The following DOCK3 variants were observed in gnomAD, a reference collection of about 807,000 sequenced individuals.
DOCK3 encodes the protein dedicator of cytokinesis protein 3.
In DOCK3, 60 loss-of-function variants were observed where a neutral mutation model predicts 265.6. The ratio of observed to expected loss-of-function variants is 0.23; its 90% confidence interval spans 0.18 to 0.28. The LOEUF (loss-of-function observed/expected upper bound fraction) is 0.28, where lower values mean the gene tolerates loss of function less well. Ranked by LOEUF, DOCK3 falls within the 10% of genes least tolerant of loss-of-function variation. The pLI, the probability that DOCK3 is intolerant of heterozygous loss-of-function variation, is 1.00. For synonymous variants in DOCK3, 881 were observed against 938.0 expected, an observed-to-expected ratio of 0.94 and a Z score of 1.11; for missense variants, 1,981 against 2,594.3, an observed-to-expected ratio of 0.76 and a Z score of 5.14.
intron 13 of DOCK3, among the ~76,000 whole-genome samples, chr3:51,211,749 C>T (rs2089514230): frequency 1.3e-5 from 2 of 152,152 alleles, no homozygotes; most frequent in South Asian, 2.1e-4. Flanking sequence ...TTTTCTTAAT[C>T]CAATCTATCA....
intron 27 of DOCK3, among the ~76,000 whole-genome samples, chr3:51,281,336 C>G (rs1383750638): frequency 6.9e-6 from 1 of 145,984 alleles, no homozygotes; most frequent in African/African-American, 2.6e-5. Context: ...GTTTACAAAT[C>G]TGTGTTGGGC....
At chr3:51,330,055 C>A in intron 32 of DOCK3, 83 bp from the exon 33 acceptor site, 2 of 1,363,872 alleles carry the variant, frequency 1.5e-6, no homozygotes, top group Non-Finnish European at 2.0e-6. Flanking sequence ...AGTTTCCCAC[C>A]ATCCTCACCC....
At chr3:50,805,415 G>A (rs1050724801) in intron 2 of DOCK3, among the ~76,000 whole-genome samples, 3 of 152,178 alleles carry the variant, frequency 2.0e-5, no homozygotes, top group Non-Finnish European at 4.4e-5. Context: ...GGTCAGCTGG[G>A]GTTGGGGCCA....
At chr3:51,339,356 C>G (rs938136490) in intron 37 of DOCK3, among the ~76,000 whole-genome samples, 1 of 152,216 alleles carries the variant, frequency 6.6e-6, no homozygotes, top group Non-Finnish European at 1.5e-5. Flanking sequence ...CCTGAGCTCA[C>G]TGTCACTCCT....
chr3:51,280,983 T>C (rs1457196695), intron 27 of DOCK3, among the ~76,000 whole-genome samples: 2 of 152,118 alleles, frequency 1.3e-5, no homozygotes, highest in Non-Finnish European at 2.9e-5. Flanking sequence ...CCTCTTTCTA[T>C]GGAAAATGAA....
intron 23 of DOCK3, 145 bp from the exon 24 acceptor site, chr3:51,270,670 A>G (rs1297187591): frequency 1.3e-6 from 1 of 752,164 alleles, no homozygotes; most frequent in Non-Finnish European, 2.1e-6. Flanking sequence ...TGAGTGCTGT[A>G]GTCAGTGGCC....
intron 2 of DOCK3, among the ~76,000 whole-genome samples, chr3:50,814,045 T>A (rs1020977587): frequency 3.3e-5 from 5 of 152,142 alleles, no homozygotes; most frequent in Admixed American, 1.3e-4. Flanking sequence ...GTACCTGGCC[T>A]TATTATAATA....
At chr3:50,883,682 A>G (rs975830644) in intron 3 of DOCK3, among the ~76,000 whole-genome samples, 1 of 152,114 alleles carries the variant, frequency 6.6e-6, no homozygotes, top group Admixed American at 6.5e-5. Context: ...TCTGTCTTCT[A>G]TATTTTCATT....
chr3:50,877,857 T>G (rs904663836), intron 3 of DOCK3, among the ~76,000 whole-genome samples: 2 of 152,082 alleles, frequency 1.3e-5, no homozygotes, highest in Non-Finnish European at 2.9e-5. Context: ...GTAACCTAAC[T>G]GGGAGACATC....
At chr3:50,769,676 G>C (rs2041152347) in intron 1 of DOCK3, among the ~76,000 whole-genome samples, 1 of 151,964 alleles carries the variant, frequency 6.6e-6, no homozygotes, top group African/African-American at 2.4e-5. Flanking sequence ...CCGGGTGTGT[G>C]TGGTGGGCGC....
chr3:50,772,074 A>G (rs1228151635), intron 1 of DOCK3, among the ~76,000 whole-genome samples: 1 of 152,218 alleles, frequency 6.6e-6, no homozygotes, highest in Non-Finnish European at 1.5e-5. Flanking sequence ...GGATAAAGAA[A>G]ATGTGGTACA....
At chr3:51,106,790 C>A (rs2083298836) in intron 9 of DOCK3, among the ~76,000 whole-genome samples, 1 of 152,238 alleles carries the variant, frequency 6.6e-6, no homozygotes, top group African/African-American at 2.4e-5. Flanking sequence ...GGGTGCCCCC[C>A]CCAGCCATAC....
intron 27 of DOCK3, among the ~76,000 whole-genome samples, chr3:51,292,336 A>G (rs975367501): frequency 1.3e-5 from 2 of 152,212 alleles, no homozygotes; most frequent in African/African-American, 4.8e-5. Context: ...TTTGCCAATG[A>G]CATGGTCATA....
At chr3:50,788,339 A>C (rs1245475281) in intron 2 of DOCK3, 5 of 266,296 alleles carry the variant, frequency 1.9e-5, no homozygotes, top group Non-Finnish European at 3.5e-5. Flanking sequence ...AATAGCTTTA[A>C]AACAAGGTAA....
At chr3:51,378,189 C>A (rs1378259409) in intron 51 of DOCK3, among the ~76,000 whole-genome samples, 2 of 152,136 alleles carry the variant, frequency 1.3e-5, no homozygotes, top group African/African-American at 4.8e-5. Context: ...ACTGGCACAC[C>A]CCTCCTTCCT....
At chr3:51,119,630 A>G (rs1429558926) in intron 9 of DOCK3, among the ~76,000 whole-genome samples, 1 of 152,104 alleles carries the variant, frequency 6.6e-6, no homozygotes, top group Non-Finnish European at 1.5e-5. Context: ...GTCTTTTCAC[A>G]TAGTCCCATA....
At chr3:51,003,965 C>T (rs1488466770) in intron 5 of DOCK3, among the ~76,000 whole-genome samples, 5 of 152,062 alleles carry the variant, frequency 3.3e-5, no homozygotes, top group East Asian at 1.9e-4. Context: ...TAAATATGTA[C>T]GTAGCTGAGA....
intron 51 of DOCK3, chr3:51,379,646 C>T: frequency 4.1e-6 from 4 of 984,878 alleles, no homozygotes; most frequent in Non-Finnish European, 4.8e-6. Flanking sequence ...CAACAGCCAT[C>T]TAAGCTGAGA....
At chr3:51,377,694 C>A (rs781513923) in intron 51 of DOCK3, among the ~76,000 whole-genome samples, 12 of 152,342 alleles carry the variant, frequency 7.9e-5, no homozygotes, top group Admixed American at 3.9e-4. Flanking sequence ...GGCTGCAGGG[C>A]AAACTTGATG....
Sources: allele counts gnomAD v4.1 joint callset (sites outside exome capture counted in the v4.1 genomes callset), GRCh38; gene constraint gnomAD v4.1.1; transcripts MANE v1.5; gene names NCBI Gene and HGNC (gene_info 2026-07-23, HGNC 2026-07-21).